Variants in KCTD17 observed in about 807,000 individuals in gnomAD.
The protein encoded by KCTD17 is potassium channel tetramerization domain containing 17.
A neutral mutation model predicts 41.5 loss-of-function variants in KCTD17; 20 were observed. That is an observed-to-expected ratio of 0.48 (90% CI 0.34 to 0.70). The LOEUF is 0.70. KCTD17 is among the 30% of genes least tolerant of loss of function. The probability of loss-of-function intolerance (pLI) is 0.01; values close to 1 mark genes in which losing one functional copy is unlikely to be tolerated. For missense variants in KCTD17, 317 were observed against 427.2 expected (o/e 0.74, Z 2.27); for synonymous variants, 156 against 173.8 (o/e 0.90, Z 0.80).
chr22:37,060,318 A>G (rs1601497718), intron 5 of KCTD17, among the ~76,000 whole-genome samples: 1 of 120,784 alleles, frequency 8.3e-6, no homozygotes, highest in East Asian at 2.8e-4. Context: ...CACCACTGCC[A>G]GGGCTGACGC....
In KCTD17 at chr22:37,054,858, C is replaced by T. The variant is rs150034371; in HGVS notation, c.299-1462C>T. Among the ~76,000 whole-genome samples, 849 of 152,234 alleles carry T rather than the reference C, an allele frequency of 5.6e-3. 6 individuals carry two copies. The highest frequency in any genetic ancestry group is 9.0e-3 in the Non-Finnish European group (612 of 67,998). On this transcript the variant is annotated intron_variant, in intron 2 of 8. Transcript: ENST00000403888. ...TCTGTGTTTGGTCCTGTGTGGGCAC[C>T]GGGGACAGAGGGCAGATCAGAAATG...
Position 37,061,590 on chromosome 22 carries a change from C to G in KCTD17, c.836C>G (p.Ser279Cys). 1 of 1,601,170 alleles carries G rather than the reference C, an allele frequency of 6.2e-7. No homozygotes were observed. The highest frequency in any genetic ancestry group is 8.5e-7 in the Non-Finnish European group (1 of 1,179,612). Residue 279 changes from serine (S) to cysteine (C), a missense_variant, in exon 8 of 9, where the codon TCT becomes TGT. By Grantham distance (112) the Ser-to-Cys change is moderately radical. This residue lies in a region of KCTD17 where 177 missense variants were observed against 194.4 expected (regional missense o/e 0.91). Coordinates refer to ENST00000403888, the MANE Select transcript of KCTD17 (RefSeq NM_001282684.2). The surrounding 1 kb of genome is among the most constrained non-coding windows in gnomAD (Gnocchi z 6.6). Reference protein sequence around the residue: ...RPEAELAVRASPRPLARPQSC... With the variant: ...RPEAELAVRACPRPLARPQSC... ...GAGGCTGAGCTTGCAGTGAGGGCTT[C>G]TCCTCGGCCCCTCGCCCGCCCCCAG... is the stretch of plus-strand genomic sequence containing the variant.
In KCTD17 at chr22:37,061,266, C is replaced by G; in HGVS notation, c.784+91C>G. The G allele has an allele frequency of 6.5e-7, 1 of 1,541,590 alleles. No individual in the cohort carries two copies. The highest frequency in any genetic ancestry group is 8.7e-7 in the Non-Finnish European group (1 of 1,146,062). On this transcript the variant is annotated intron_variant, in intron 7 of 8. Transcript: ENST00000403888. The surrounding 1 kb of genome is among the most constrained non-coding windows in gnomAD (Gnocchi z 6.6). ...CTCTGCCCCTGTCCGGGTTTTCTCT[C>G]TGCCTGCTCACGCCTCCATCCCGGG...
chr22:37,061,515 C>T lies in KCTD17; in HGVS notation c.785-24C>T, dbSNP rs1925791160. On this transcript the variant is annotated intron_variant, in intron 7 of 8. Transcript: ENST00000403888. This position sits in a 1 kb window ranked among gnomAD's most constrained non-coding sequence, Gnocchi z 6.6. ...GCCCCCCCTCCTCTCCTCCCGGCCTCCTCCTCACGTTTCCTCCTTGCAGGT... is the reference window on the plus strand; with the variant it reads ...GCCCCCCCTCCTCTCCTCCCGGCCTTCTCCTCACGTTTCCTCCTTGCAGGT... The T allele has an allele frequency of 6.3e-7, 1 of 1,596,544 alleles. No individual in the cohort carries two copies. The highest frequency in any genetic ancestry group is 8.5e-7 in the Non-Finnish European group (1 of 1,177,474).
Position 37,061,613 on chromosome 22 carries a change from C to T in KCTD17, c.859C>T (p.Gln287Ter). The T allele has an allele frequency of 6.3e-7, 1 of 1,598,828 alleles. No homozygotes were observed. The highest frequency in any genetic ancestry group is 1.1e-5 in the South Asian group (1 of 90,378). ...RASPRPLARP[Q>*]SCHPCCYKPE... is the part of the protein sequence containing the mutation. The stretch of plus-strand genomic sequence containing the variant: ...TTCTCCTCGGCCCCTCGCCCGCCCC[C>T]AGAGCTGCCATCCCTGGTTTGTAGC... The change falls in exon 8 of 9, where the codon CAG becomes TAG. Residue 287 changes from glutamine (Q) to a stop codon, truncating the protein, a stop_gained. Transcript: ENST00000403888. LOFTEE classifies it high-confidence loss of function. This position sits in a 1 kb window ranked among gnomAD's most constrained non-coding sequence, Gnocchi z 6.6.
rs1925949829 is a variant in KCTD17, at chr22:37,062,794, T to C, written c.*200T>C. On this transcript the variant is annotated 3_prime_UTR_variant, in exon 9 of 9. Transcript: ENST00000403888. ...CAGAGTGGACTGCTCATGGCAGATG[T>C]GTGGCAATGTCTGGCTGTGTCTCTC... 8.3e-7 allele frequency: 1 copy of C among 1,205,736 alleles called. No homozygotes were observed. Among genetic ancestry groups the C allele is most frequent in the Non-Finnish European group, 1.1e-6 (1 of 895,750 alleles). 74.7% of individuals were successfully genotyped at this position (1,205,736 alleles called of 1,614,324 possible).
At position 37,061,092 on chromosome 22, in the gene KCTD17, TTC is replaced by T; in HGVS notation, c.713-8_713-7del. The T allele has an allele frequency of 6.4e-7, 1 of 1,551,398 alleles. No homozygotes were observed. Among genetic ancestry groups the T allele is most frequent in the Non-Finnish European group, 8.7e-7 (1 of 1,146,890 alleles). ...CCGCATAACCATCCCTTCTCTCACT[TTC>T]TCTTTGCAGCCCAGTCATCTCAGGA... On this transcript the variant is annotated splice_polypyrimidine_tract_variant and intron_variant, in intron 6 of 8. Coordinates refer to ENST00000403888, the MANE Select transcript of KCTD17 (RefSeq NM_001282684.2). The surrounding 1 kb of genome is among the most constrained non-coding windows in gnomAD (Gnocchi z 6.6).
chr22:37,060,663 C>T (rs1925671549), intron 5 of KCTD17, among the ~76,000 whole-genome samples, 160 bp from the exon 6 acceptor site: 1 of 152,208 alleles, frequency 6.6e-6, no homozygotes, highest in African/African-American at 2.4e-5. Context: ...GCCCAGGGGA[C>T]CGGAGAAGAT....
intron 4 of KCTD17, among the ~76,000 whole-genome samples, chr22:37,058,571 C>T (rs1333129311): frequency 6.6e-6 from 1 of 152,254 alleles, no homozygotes; most frequent in African/African-American, 2.4e-5. Context: ...CCATTCCCTG[C>T]TCCACCCCTT....
rs1308955849 is a variant in KCTD17 at position 37,061,124 on chromosome 22, G to A, written c.733G>A (p.Ala245Thr). 6 of 1,551,236 alleles carry A rather than the reference G, an allele frequency of 3.9e-6. No individual in the cohort carries two copies. The highest frequency in any genetic ancestry group is 2.4e-5 in the East Asian group (1 of 40,904). The change falls in exon 7 of 9, where the codon GCT becomes ACT. Residue 245 changes from alanine to threonine, a missense_variant. Ala to Thr is a moderately conservative substitution (Grantham distance 58). Coordinates refer to ENST00000403888, the MANE Select transcript of KCTD17 (RefSeq NM_001282684.2). The surrounding 1 kb of genome is among the most constrained non-coding windows in gnomAD (Gnocchi z 6.6). ...TGCAGCCCAGTCATCTCAGGATCCC[G>A]CTAACCTTTTCTCCCTCCCACCACT... ...QEKAQSSQDP[A>T]NLFSLPPLPP...
Position 37,053,336 on chromosome 22 carries a change from C to T in KCTD17, c.298+128C>T, listed in dbSNP as rs1380335546. ...TGGTTGTTTCCTGCCTCTTCCCAGT[C>T]GGACGGGGCTGATTCCCAAGCATCT... On this transcript the variant is annotated intron_variant, in intron 2 of 8. Transcript: ENST00000403888. This position sits in a 1 kb window ranked among gnomAD's most constrained non-coding sequence, Gnocchi z 4.1. 18 of 713,764 alleles carry T rather than the reference C, an allele frequency of 2.5e-5. No individual in the cohort carries two copies. Among genetic ancestry groups the T allele is most frequent in the Admixed American group, 6.8e-5 (3 of 43,878 alleles). The allele number at this position is 713,764 out of a possible 1,614,324, so 44.2% of individuals were successfully genotyped here. A position where few individuals can be genotyped will look rare whatever the true frequency, so the allele number is the denominator to read the frequency against.
In KCTD17 at chr22:37,061,239, C is replaced by G; in HGVS notation, c.784+64C>G. Reference sequence around the variant, plus strand: ...ATCTCATCTGCACCCTGCCTCTTCCCTCTCTGCCCCTGTCCGGGTTTTCTC... The same window carrying G: ...ATCTCATCTGCACCCTGCCTCTTCCGTCTCTGCCCCTGTCCGGGTTTTCTC... On this transcript the variant is annotated intron_variant, in intron 7 of 8. Transcript: ENST00000403888. The surrounding 1 kb of genome is among the most constrained non-coding windows in gnomAD (Gnocchi z 6.6). 6.5e-7 allele frequency: 1 copy of G among 1,547,258 alleles called. No individual in the cohort carries two copies. Among genetic ancestry groups the G allele is most frequent in the Non-Finnish European group, 8.7e-7 (1 of 1,146,868 alleles).
intron 2 of KCTD17, among the ~76,000 whole-genome samples, chr22:37,054,617 C>G (rs1012195148): frequency 1.3e-5 from 2 of 152,144 alleles, no homozygotes; most frequent in African/African-American, 2.4e-5. Context: ...CCTAACCCCT[C>G]TGTGTCTGCA....
chr22:37,052,692 T>C (rs930701355), intron 1 of KCTD17: 5 of 468,070 alleles, frequency 1.1e-5, no homozygotes, highest in African/African-American at 1.0e-4. Context: ...AGTGAGATAG[T>C]GACTCCTTTG....
At chr22:37,062,209 A>C (rs1244000978) in intron 8 of KCTD17, 1 of 982,250 alleles carries the variant, frequency 1.0e-6, no homozygotes, top group East Asian at 1.2e-4. Context: ...CCCCCATCCC[A>C]CCCCCTTCAG....
At position 37,057,007 on chromosome 22, in the gene KCTD17, G is replaced by A. The variant is rs187434191; in HGVS notation, c.391-391G>A. Among the ~76,000 whole-genome samples, 47 of 152,228 alleles carry A rather than the reference G, an allele frequency of 3.1e-4. No individual in the cohort carries two copies. The East Asian group carries it at 3.5e-3, about 11-fold the overall frequency. On this transcript the variant is annotated intron_variant, in intron 3 of 8. Coordinates refer to ENST00000403888, the MANE Select transcript of KCTD17 (RefSeq NM_001282684.2). ...CAGGGGATTAAAGAGGGGAGGCTCC[G>A]TGTCTCCTTGAGGGCCTGACTCCTT...
chr22:37,060,904 G>A lies in KCTD17; in HGVS notation c.694G>A (p.Ala232Thr). 6.5e-7 allele frequency: 1 copy of A among 1,542,500 alleles called. No homozygotes were observed. The highest frequency in any genetic ancestry group is 1.2e-5 in the South Asian group (1 of 82,072). Residue 232 changes from alanine (A) to threonine (T), a missense_variant, in exon 6 of 9, where the codon GCA becomes ACA. Coordinates refer to ENST00000403888, the MANE Select transcript of KCTD17 (RefSeq NM_001282684.2). ...GGAGGTGGAACAGGTGCAGGTGGAG[G>A]CAGATGCACAGGAGAAAGGTGCAGC... Reference protein sequence around the residue: ...EVEVEQVQVEADAQEKAQSSQ... With the variant: ...EVEVEQVQVETDAQEKAQSSQ...
rs531824792 is a variant in KCTD17 at position 37,063,289 on chromosome 22, G to C, written c.*695G>C. ...ACTGCCCGGGGAGAGTGGGTATGGC[G>C]GCTGAGCCAGGGGCCCTCCTGTGTT... On this transcript the variant is annotated 3_prime_UTR_variant, in exon 9 of 9. Transcript: ENST00000403888. This position sits in a 1 kb window ranked among gnomAD's most constrained non-coding sequence, Gnocchi z 4.6. 6.6e-6 allele frequency: 1 copy of C among 152,360 alleles called. No individual in the cohort carries two copies. Among genetic ancestry groups the C allele is most frequent in the East Asian group, 1.9e-4 (1 of 5,188 alleles). 9.4% of individuals were successfully genotyped at this position (152,360 alleles called of 1,614,324 possible).
intron 1 of KCTD17, chr22:37,052,433 C>T: frequency 2.3e-6 from 1 of 433,138 alleles, no homozygotes; most frequent in African/African-American, 2.0e-5. Flanking sequence ...TTCTGAGCAC[C>T]CACCCTGACT....
Sources: allele counts gnomAD v4.1 joint callset (sites outside exome capture counted in the v4.1 genomes callset), GRCh38; gene constraint gnomAD v4.1.1; regional missense constraint gnomAD v4.1.1; non-coding constraint Gnocchi (gnomAD v3.1); transcripts MANE v1.5; gene names NCBI Gene and HGNC (gene_info 2026-07-23, HGNC 2026-07-21).